The following DMD variants were observed in gnomAD, a reference collection of about 807,000 sequenced individuals.
DMD encodes mutant dystrophin.
DMD carries 63 observed loss-of-function variants against 330.1 expected under a neutral mutation model. The observed-to-expected ratio is 0.19, with a 90% CI of 0.16 to 0.24. The LOEUF (loss-of-function observed/expected upper bound fraction) is 0.24, where lower values mean the gene tolerates loss of function less well. Among genes scored for constraint, DMD ranks in the 10% least tolerant of loss-of-function variants. The pLI, the probability that DMD is intolerant of heterozygous loss-of-function variation, is 1.00. For missense variants in DMD, 3,344 were observed against 2,684.1 expected (o/e 1.25, Z -5.43); for synonymous variants, 1,223 against 959.8 (o/e 1.27, Z -5.07).
chrX:31,512,935 A>T (rs2071782806), intron 55 of DMD, among the ~76,000 whole-genome samples: 1 of 107,923 alleles, frequency 9.3e-6, no homozygotes, highest in Non-Finnish European at 1.9e-5. Context: ...CAGTATGGCC[A>T]TTTTCACAAT....
At chrX:31,510,789 G>A (rs1179521602) in intron 55 of DMD, among the ~76,000 whole-genome samples, 3 of 110,833 alleles carry the variant, frequency 2.7e-5, no homozygotes, top group South Asian at 3.8e-4. Flanking sequence ...GATTACAGGC[G>A]TGAGCCACCA....
At chrX:31,512,718 T>C (rs1485345948) in intron 55 of DMD, among the ~76,000 whole-genome samples, 2 of 111,853 alleles carry the variant, frequency 1.8e-5, no homozygotes, top group South Asian at 7.6e-4. Flanking sequence ...ACCAGTACCA[T>C]GTTGTTTTGG....
In DMD at chrX:32,464,685, G is replaced by C. The variant is rs755632126; in HGVS notation, c.3177C>G (p.Thr1059=). 1 of 1,198,137 alleles carries C rather than the reference G, an allele frequency of 8.3e-7. No individual in the cohort carries two copies. Among genetic ancestry groups the C allele is most frequent in the Non-Finnish European group, 1.1e-6 (1 of 883,656 alleles). The change falls in exon 24 of 79, where the codon ACC becomes ACG. Residue 1059 remains threonine (T), a synonymous_variant. Transcript: ENST00000357033. ...KLRKIQNHIQ[T]LKKWMAEVDV... ...CAACTTCAGCCATCCATTTCTTCAG[G>C]GTTTGTATGTGATTCTGAAACGAGA...
At chrX:31,427,508 T>A (rs980371913) in intron 60 of DMD, among the ~76,000 whole-genome samples, 1 of 111,989 alleles carries the variant, frequency 8.9e-6, no homozygotes, top group African/African-American at 3.2e-5. Flanking sequence ...ACTAATGTAG[T>A]CACTGATAAA....
chrX:31,430,447 C>T lies in DMD; in HGVS notation c.9084+14034G>A, dbSNP rs980517000. 3.6e-5 allele frequency among the ~76,000 whole-genome samples: 4 copies of T among 111,400 alleles called. No homozygotes were observed. In the Admixed American group the frequency reaches 3.8e-4, roughly 11 times the overall value. On this transcript the variant is annotated intron_variant, in intron 60 of 78. Transcript: ENST00000357033. ...AGAGCAGAAAAGGCTGGAAAGGCAG[C>T]GATAATGACCAGGATCAGCATCTAA...
Position 32,789,495 on chromosome X carries a change from C to T in DMD, c.649+19998G>A, listed in dbSNP as rs994670485. ...AAAAATTGCTGATGTCACAGCCCGTCCTCAGTGAAATAAAATACTAGTTTC... is the reference window on the plus strand; with the variant it reads ...AAAAATTGCTGATGTCACAGCCCGTTCTCAGTGAAATAAAATACTAGTTTC... On this transcript the variant is annotated intron_variant, in intron 7 of 78. Transcript: ENST00000357033. 2.7e-5 allele frequency among the ~76,000 whole-genome samples: 3 copies of T among 111,979 alleles called. No individual in the cohort carries two copies. In the Admixed American group the frequency reaches 2.9e-4, roughly 11 times the overall value.
chrX:31,607,645 A>T lies in DMD; in HGVS notation c.8217+20028T>A, dbSNP rs769015330. On this transcript the variant is annotated intron_variant, in intron 55 of 78. Coordinates refer to ENST00000357033, the MANE Select transcript of DMD (RefSeq NM_004006.3). The stretch of plus-strand genomic sequence containing the variant: ...TTTGATTAGGCCAAAATGCAGAGGA[A>T]ATTAATGTTATTCTCTTGTGCCATT... 2.7e-5 allele frequency among the ~76,000 whole-genome samples: 3 copies of T among 112,471 alleles called. No individual in the cohort carries two copies. The South Asian group carries it at 1.1e-3, about 41-fold the overall frequency.
chrX:32,944,606 G>GT (rs1247042875), intron 2 of DMD, among the ~76,000 whole-genome samples: 3 of 94,259 alleles, frequency 3.2e-5, no homozygotes, highest in African/African-American at 1.4e-4. Flanking sequence ...ACTTTTAGTA[G>GT]ATTTTTTTTT....
intron 2 of DMD, among the ~76,000 whole-genome samples, chrX:32,971,375 T>A (rs1271897682): frequency 8.9e-6 from 1 of 111,861 alleles, no homozygotes; most frequent in East Asian, 2.8e-4. Context: ...TGGAGAATAA[T>A]TTTTTTAACT....
intron 44 of DMD, among the ~76,000 whole-genome samples, chrX:32,114,342 A>G (rs1293268162): frequency 5.4e-5 from 6 of 110,858 alleles, no homozygotes; most frequent in Non-Finnish European, 1.1e-4. Context: ...CCCCTTATCC[A>G]TCCTGTGTAG....
At chrX:32,123,226 TATATATATATATATATAA>T (rs1490851603) in intron 44 of DMD, among the ~76,000 whole-genome samples, 2 of 86,871 alleles carry the variant, frequency 2.3e-5, no homozygotes, top group African/African-American at 8.7e-5. Context: ...TATATATATA[TATATATATATATATATAA>T]ATGATCAAAA....
intron 60 of DMD, among the ~76,000 whole-genome samples, chrX:31,428,982 CGTG>C: frequency 9.1e-6 from 1 of 110,182 alleles, no homozygotes; most frequent in South Asian, 4.0e-4. Context: ...ACTAGCTGGG[CGTG>C]GTGGTGGATG....
chrX:32,291,788 T>C (rs967740594), intron 42 of DMD, among the ~76,000 whole-genome samples: 2 of 111,602 alleles, frequency 1.8e-5, no homozygotes, highest in African/African-American at 6.5e-5. Flanking sequence ...CCAGAGGCAG[T>C]TGAAATCAGA....
At position 31,511,194 on chromosome X, in the gene DMD, T is replaced by C. The variant is rs887293066; in HGVS notation, c.8218-3741A>G. Among the ~76,000 whole-genome samples the C allele has an allele frequency of 6.6e-4, 69 of 104,378 alleles. No homozygotes were observed. The Admixed American group carries it at 7.1e-3, about 11-fold the overall frequency. 90.6% of individuals were successfully genotyped at this position (104,378 alleles called of 115,157 possible). A position where few individuals can be genotyped will look rare whatever the true frequency, so the allele number is the denominator to read the frequency against. On this transcript the variant is annotated intron_variant, in intron 55 of 78. Transcript: ENST00000357033. The stretch of plus-strand genomic sequence containing the variant: ...AGTATCAATAAGGCAGCATGAGTCA[T>C]AGATTGGGAATGCAGGGCAGGCTGC...
At chrX:33,094,396 T>C (rs925244366) in intron 1 of DMD, among the ~76,000 whole-genome samples, 2 of 111,643 alleles carry the variant, frequency 1.8e-5, no homozygotes, top group African/African-American at 6.5e-5. Context: ...CAGAGAAACA[T>C]AGAAAGAGGG....
At chrX:31,453,765 C>CAAAAAAAAAAGAAA (rs2065935012) in intron 59 of DMD, among the ~76,000 whole-genome samples, 1 of 8,983 alleles carries the variant, frequency 1.1e-4, no homozygotes, top group African/African-American at 5.0e-4. Context: ...AAAAAACAAG[C>CAAAAAAAAAAGAAA]AAAAAAAAAA....
At chrX:31,506,125 T>C (rs965899197) in intron 56 of DMD, among the ~76,000 whole-genome samples, 1 of 112,268 alleles carries the variant, frequency 8.9e-6, no homozygotes, top group African/African-American at 3.2e-5. Context: ...GGTATGTAGG[T>C]ACATCATGTA....
At chrX:32,283,715 G>A (rs953176519) in intron 43 of DMD, among the ~76,000 whole-genome samples, 3 of 111,588 alleles carry the variant, frequency 2.7e-5, no homozygotes. Flanking sequence ...ATCTGCCTTG[G>A]TAAATAAAGT....
At chrX:33,018,544 T>A (rs2093849364) in intron 2 of DMD, among the ~76,000 whole-genome samples, 1 of 111,678 alleles carries the variant, frequency 9.0e-6, no homozygotes, top group African/African-American at 3.2e-5. Context: ...AGAGCGAAGA[T>A]CTATTTCAAC....
Sources: allele counts gnomAD v4.1 joint callset (sites outside exome capture counted in the v4.1 genomes callset), GRCh38; gene constraint gnomAD v4.1.1; transcripts MANE v1.5; gene names NCBI Gene and HGNC (gene_info 2026-07-23, HGNC 2026-07-21).